FHIT: variants seen among roughly 807,000 people sequenced by gnomAD.
FHIT encodes the protein fragile histidine triad diadenosine triphosphatase.
Under a neutral mutation model 17.9 loss-of-function variants are expected in FHIT, and 19 were observed. The ratio of observed to expected loss-of-function variants is 1.06; its 90% CI spans 0.74 to 1.56. The LOEUF (loss-of-function observed/expected upper bound fraction) is 1.56, where lower values mean the gene tolerates loss of function less well. FHIT is among the 40% of genes most tolerant of loss of function. FHIT has a pLI of 0.00. For missense variants in FHIT, 248 were observed against 189.2 expected, an observed-to-expected ratio of 1.31 and a Z score of -1.82; for synonymous variants, 81 against 69.7, an observed-to-expected ratio of 1.16 and a Z score of -0.81.
chr3:60,314,848 G>T (rs1329985171), intron 5 of FHIT, among the ~76,000 whole-genome samples: 8 of 152,078 alleles, frequency 5.3e-5, no homozygotes, highest in African/African-American at 1.9e-4. Flanking sequence ...ACTTTAGGAG[G>T]CCAATGCAGC....
chr3:60,421,016 G>T (rs1702444513), intron 5 of FHIT, among the ~76,000 whole-genome samples: 1 of 144,034 alleles, frequency 6.9e-6, no homozygotes. Flanking sequence ...AAAGAACTAA[G>T]ATTTCTCCCA....
At chr3:60,821,580 T>C (rs1308397628) in intron 4 of FHIT, among the ~76,000 whole-genome samples, 1 of 152,180 alleles carries the variant, frequency 6.6e-6, no homozygotes, top group African/African-American at 2.4e-5. Context: ...TTATTAAATA[T>C]GTGTAACTGC....
At chr3:60,896,216 C>T (rs1705813625) in intron 3 of FHIT, among the ~76,000 whole-genome samples, 1 of 152,088 alleles carries the variant, frequency 6.6e-6, no homozygotes, top group Non-Finnish European at 1.5e-5. Context: ...TGAAACCGGT[C>T]CCTGGTGCCA....
At chr3:61,216,863 A>C (rs1291130374) in intron 1 of FHIT, among the ~76,000 whole-genome samples, 1 of 152,036 alleles carries the variant, frequency 6.6e-6, no homozygotes, top group African/African-American at 2.4e-5. Flanking sequence ...ATGAAATTGG[A>C]AATCATCATT....
In FHIT at chr3:60,316,163, T is replaced by C. The variant is rs1376434537; in HGVS notation, c.103+220697A>G. Reference sequence around the variant, plus strand: ...TTTGCATTAGCCCAAAGGTTTTGTATAGCTTAAGGATACATGCAGTAAGCT... The same window carrying C: ...TTTGCATTAGCCCAAAGGTTTTGTACAGCTTAAGGATACATGCAGTAAGCT... On this transcript the variant is annotated intron_variant, in intron 5 of 9. Transcript: ENST00000492590. Among the ~76,000 whole-genome samples the C allele has an allele frequency of 2.6e-5, 4 of 152,188 alleles. No individual in the cohort carries two copies. The East Asian group carries it at 7.7e-4, about 29-fold the overall frequency.
intron 3 of FHIT, among the ~76,000 whole-genome samples, chr3:61,019,962 C>A (rs1275863128): frequency 6.6e-6 from 1 of 152,060 alleles, no homozygotes; most frequent in East Asian, 1.9e-4. Context: ...GTTTGCTGCA[C>A]CCACCAACCT....
At chr3:60,123,997 TATATATATATATAGAGAG>T (rs1261319239) in intron 5 of FHIT, among the ~76,000 whole-genome samples, 4 of 33,908 alleles carry the variant, frequency 1.2e-4, no homozygotes, top group East Asian at 6.2e-4. Flanking sequence ...TATATATATA[TATATATATATATAGAGAG>T]AGAGAGAGAG....
intron 8 of FHIT, among the ~76,000 whole-genome samples, chr3:59,870,179 T>C (rs1480624210): frequency 6.6e-6 from 1 of 152,146 alleles, no homozygotes; most frequent in African/African-American, 2.4e-5. Flanking sequence ...ACTCTACCCC[T>C]GCATCGCGAG....
At chr3:59,862,553 C>T (rs1464620945) in intron 8 of FHIT, among the ~76,000 whole-genome samples, 2 of 152,186 alleles carry the variant, frequency 1.3e-5, no homozygotes, top group African/African-American at 4.8e-5. Context: ...TGTAGAAGAG[C>T]AGACACAGAG....
At chr3:61,150,628 CA>C (rs764743461) in intron 2 of FHIT, among the ~76,000 whole-genome samples, 12 of 152,160 alleles carry the variant, frequency 7.9e-5, no homozygotes, top group Non-Finnish European at 1.8e-4. Flanking sequence ...GTCTATTTTA[CA>C]TAATAGCTTA....
At chr3:60,181,472 C>T (rs1461951798) in intron 5 of FHIT, among the ~76,000 whole-genome samples, 1 of 152,100 alleles carries the variant, frequency 6.6e-6, no homozygotes, top group African/African-American at 2.4e-5. Context: ...CCTCATTTTA[C>T]AGATGGGAAC....
chr3:59,964,136 T>C (rs778862889), intron 7 of FHIT, among the ~76,000 whole-genome samples: 1 of 152,232 alleles, frequency 6.6e-6, no homozygotes, highest in Non-Finnish European at 1.5e-5. Context: ...TTTTTATCTT[T>C]AATAACTTTA....
At chr3:61,075,504 T>C (rs893765709) in intron 2 of FHIT, among the ~76,000 whole-genome samples, 5 of 151,968 alleles carry the variant, frequency 3.3e-5, no homozygotes, top group Non-Finnish European at 7.4e-5. Context: ...GACCATTGCA[T>C]AGAAACAAAA....
intron 5 of FHIT, among the ~76,000 whole-genome samples, chr3:60,098,716 T>C (rs1576095572): frequency 2.0e-5 from 3 of 152,206 alleles, no homozygotes; most frequent in African/African-American, 7.2e-5. Context: ...AGCTCTTTAG[T>C]TCTTACTAAT....
rs976127885 is a variant in FHIT at position 60,827,575 on chromosome 3, C to A, written c.-110-5564G>T. 4.6e-5 allele frequency among the ~76,000 whole-genome samples: 7 copies of A among 152,180 alleles called. 1 individual carries two copies. Among genetic ancestry groups the A allele is most frequent in the Admixed American group, 4.6e-4 (7 of 15,274 alleles). On this transcript the variant is annotated intron_variant, in intron 3 of 9. Coordinates refer to ENST00000492590, the MANE Select transcript of FHIT (RefSeq NM_002012.4). ...ATGGAAATTAGACTTTTCAGAGCTA[C>A]TACACTGAATCATTTAATTTGTCTG...
At chr3:60,247,236 G>A (rs1349643244) in intron 5 of FHIT, among the ~76,000 whole-genome samples, 3 of 151,868 alleles carry the variant, frequency 2.0e-5, no homozygotes, top group Admixed American at 6.6e-5. Flanking sequence ...ATTAAGAAGT[G>A]CTCAGAGCTG....
At chr3:61,234,759 G>A (rs907241476) in intron 1 of FHIT, among the ~76,000 whole-genome samples, 3 of 152,160 alleles carry the variant, frequency 2.0e-5, no homozygotes, top group Non-Finnish European at 4.4e-5. Flanking sequence ...CTCCGACCAA[G>A]ATGTTCAATT....
At chr3:60,308,487 G>C (rs375735869) in intron 5 of FHIT, among the ~76,000 whole-genome samples, 1 of 74,548 alleles carries the variant, frequency 1.3e-5, no homozygotes, top group Non-Finnish European at 2.5e-5. Context: ...TATAGGTATA[G>C]GTGTATGTGT....
At chr3:59,966,992 T>A (rs1349051895) in intron 7 of FHIT, among the ~76,000 whole-genome samples, 2 of 152,080 alleles carry the variant, frequency 1.3e-5, no homozygotes, top group Admixed American at 6.6e-5. Context: ...AAAAATATTT[T>A]CTTTCTTTAT....
Sources: gnomAD v4.1 joint callset for allele counts (sites outside exome capture counted in the v4.1 genomes callset) on GRCh38, gnomAD v4.1.1 for gene constraint, MANE v1.5 for transcripts, NCBI Gene and HGNC (gene_info 2026-07-23, HGNC 2026-07-21) for gene names.